AUTS2: variants seen among roughly 807,000 people sequenced by gnomAD.
AUTS2 encodes activator of transcription and developmental regulator AUTS2, also known as autism susceptibility gene 2 protein.
Under a neutral mutation model 112.4 loss-of-function variants are expected in AUTS2, and 17 were observed. That is an observed-to-expected ratio of 0.15 (90% CI 0.10 to 0.23). The LOEUF is 0.23. AUTS2 is among the 10% of genes least tolerant of loss of function. The probability of loss-of-function intolerance (pLI) is 1.00; values close to 1 mark genes in which losing one functional copy is unlikely to be tolerated. For missense variants in AUTS2, 1,510 were observed against 1,701.6 expected, an observed-to-expected ratio of 0.89 and a Z score of 1.98; for synonymous variants, 751 against 702.7, an observed-to-expected ratio of 1.07 and a Z score of -1.09.
At chr7:70,273,684 C>T (rs941376359) in intron 4 of AUTS2, among the ~76,000 whole-genome samples, 3 of 152,046 alleles carry the variant, frequency 2.0e-5, no homozygotes, top group African/African-American at 7.2e-5. Context: ...ACCCCCTCAC[C>T]TTCACCCCCA....
chr7:70,420,029 G>T (rs1352582232), intron 4 of AUTS2, among the ~76,000 whole-genome samples: 1 of 152,210 alleles, frequency 6.6e-6, no homozygotes, highest in Non-Finnish European at 1.5e-5. Context: ...GCAGGGGAGA[G>T]AATTAAAGGT....
chr7:70,101,131 G>A (rs1412906317), intron 2 of AUTS2, among the ~76,000 whole-genome samples: 1 of 152,074 alleles, frequency 6.6e-6, no homozygotes, highest in Non-Finnish European at 1.5e-5. Context: ...GCCAGCCTCG[G>A]CCTCCCAAAG....
At chr7:70,642,534 AACCAGG>A (rs1161792896) in intron 5 of AUTS2, among the ~76,000 whole-genome samples, 1 of 83,574 alleles carries the variant, frequency 1.2e-5, no homozygotes, top group Non-Finnish European at 3.1e-5. Context: ...TTGTGTCCTC[AACCAGG>A]TGTAAAGTCT....
At chr7:70,020,854 A>T (rs532545696) in intron 2 of AUTS2, among the ~76,000 whole-genome samples, 1 of 152,058 alleles carries the variant, frequency 6.6e-6, no homozygotes, top group Non-Finnish European at 1.5e-5. Context: ...TATTTTTGGC[A>T]GAGACAAGGT....
intron 5 of AUTS2, among the ~76,000 whole-genome samples, chr7:70,454,166 G>A (rs759243971): frequency 2.0e-5 from 3 of 152,150 alleles, no homozygotes; most frequent in Non-Finnish European, 4.4e-5. Context: ...CCCCCAGTGT[G>A]TCAGACAAAA....
chr7:70,373,402 C>G (rs911704599), intron 4 of AUTS2, among the ~76,000 whole-genome samples: 1 of 152,076 alleles, frequency 6.6e-6, no homozygotes, highest in African/African-American at 2.4e-5. Flanking sequence ...AAAACCTCTG[C>G]GATGTGAATA....
intron 4 of AUTS2, among the ~76,000 whole-genome samples, chr7:70,355,055 TGTATGTATGG>T (rs1286667740): frequency 1.3e-5 from 2 of 151,022 alleles, no homozygotes; most frequent in African/African-American, 4.9e-5. Flanking sequence ...TGTGTGTGTG[TGTATGTATGG>T]GTGTGTGTGT....
In AUTS2 at chr7:70,456,122, C is replaced by A. The variant is rs77761085; in HGVS notation, c.690+20341C>A. Among the ~76,000 whole-genome samples, 374 of 152,284 alleles carry A rather than the reference C, an allele frequency of 2.5e-3. 1 individual carries two copies. Among genetic ancestry groups the A allele is most frequent in the African/African-American group, 8.4e-3 (348 of 41,574 alleles). ...CACATCATGGTGCTTTAAAAACCCT[C>A]AACTTCCCCCTAACCCAGCACGGAA... On this transcript the variant is annotated intron_variant, in intron 5 of 18. Coordinates refer to ENST00000342771, the MANE Select transcript of AUTS2 (RefSeq NM_015570.4).
At chr7:69,995,476 G>A (rs1342836456) in intron 2 of AUTS2, among the ~76,000 whole-genome samples, 2 of 152,174 alleles carry the variant, frequency 1.3e-5, no homozygotes, top group Admixed American at 6.5e-5. Context: ...CTATGAAGGA[G>A]GACATTTTTC....
chr7:70,639,616 C>CAAAAAAAAAAAAA lies in AUTS2; in HGVS notation c.691-58945_691-58933dup, dbSNP rs5884790. The stretch of plus-strand genomic sequence containing the variant: ...TGGGTGATAGAGCGAGACCCTGTCT[C>CAAAAAAAAAAAAA]AAAAAAAAAAAAAAAAAAAATAGGG... On this transcript the variant is annotated intron_variant, in intron 5 of 18. Coordinates refer to ENST00000342771, the MANE Select transcript of AUTS2 (RefSeq NM_015570.4). Among the ~76,000 whole-genome samples, 2 of 75,078 alleles carry CAAAAAAAAAAAAA rather than the reference C, an allele frequency of 2.7e-5. 1 individual carries two copies. Among genetic ancestry groups the CAAAAAAAAAAAAA allele is most frequent in the African/African-American group, 1.2e-4 (2 of 17,374 alleles). 49.3% of individuals were successfully genotyped at this position (75,078 alleles called of 152,430 possible).
chr7:69,812,616 G>A (rs1173882072), intron 1 of AUTS2, among the ~76,000 whole-genome samples: 1 of 152,132 alleles, frequency 6.6e-6, no homozygotes, highest in Non-Finnish European at 1.5e-5. Context: ...CCGTTGCCAT[G>A]GGCTACAACT....
At position 70,345,150 on chromosome 7, in the gene AUTS2, T is replaced by C. The variant is rs368134904; in HGVS notation, c.661-90602T>C. 1.1e-4 allele frequency among the ~76,000 whole-genome samples: 16 copies of C among 152,320 alleles called. No individual in the cohort carries two copies. The East Asian group carries it at 2.5e-3, about 24-fold the overall frequency. ...GTGTGTGGTATTCTGCAGAAGGCTATTGTAGCATAACTTAGACTTAGCCGG... is the reference window on the plus strand; with the variant it reads ...GTGTGTGGTATTCTGCAGAAGGCTACTGTAGCATAACTTAGACTTAGCCGG... On this transcript the variant is annotated intron_variant, in intron 4 of 18. Coordinates refer to ENST00000342771, the MANE Select transcript of AUTS2 (RefSeq NM_015570.4).
At chr7:69,827,766 A>G (rs1386104899) in intron 1 of AUTS2, among the ~76,000 whole-genome samples, 2 of 152,284 alleles carry the variant, frequency 1.3e-5, no homozygotes, top group African/African-American at 2.4e-5. Flanking sequence ...TATTTACTGT[A>G]CTTGAACGGA....
chr7:70,222,650 T>TTAA (rs1811545926), intron 4 of AUTS2, among the ~76,000 whole-genome samples: 1 of 152,094 alleles, frequency 6.6e-6, no homozygotes, highest in Admixed American at 6.5e-5. Flanking sequence ...TCAAAAGACT[T>TTAA]TAAGTTCTCT....
At chr7:69,693,653 A>C (rs1230535075) in intron 1 of AUTS2, among the ~76,000 whole-genome samples, 2 of 152,088 alleles carry the variant, frequency 1.3e-5, no homozygotes, top group Non-Finnish European at 2.9e-5. Context: ...AGATACTGTG[A>C]TATCATATCT....
chr7:70,787,321 G>A lies in AUTS2; in HGVS notation c.2421G>A (p.Pro807=), dbSNP rs372172046. The part of the protein sequence containing the change: ...HRTPPSFPTP[P]PWLKPGELER... ...CGCCTCCGTCGTTCCCGACCCCTCC[G>A]CCCTGGCTGAAGCCAGGGGAGCTGG... The change falls in exon 18 of 19, where the codon CCG becomes CCA. Residue 807 remains proline, a synonymous_variant. Transcript: ENST00000342771. 1.1e-5 allele frequency: 17 copies of A among 1,613,990 alleles called. No individual in the cohort carries two copies. Among genetic ancestry groups the A allele is most frequent in the South Asian group, 3.3e-5 (3 of 91,078 alleles).
intron 4 of AUTS2, among the ~76,000 whole-genome samples, chr7:70,273,856 T>A (rs1787807916): frequency 6.6e-6 from 1 of 152,140 alleles, no homozygotes; most frequent in Non-Finnish European, 1.5e-5. Context: ...GGTTCAAGGG[T>A]CAACTGTGTA....
chr7:70,461,845 C>G (rs1796977338), intron 5 of AUTS2, among the ~76,000 whole-genome samples: 1 of 152,144 alleles, frequency 6.6e-6, no homozygotes, highest in South Asian at 2.1e-4. Context: ...GTTGTCAGGA[C>G]ATCAGGGGCC....
At position 70,613,779 on chromosome 7, in the gene AUTS2, A is replaced by G. The variant is rs543834537; in HGVS notation, c.691-84790A>G. ...TGCGAGAAGAGAAATTAATCAGAAC[A>G]TGATCCCTGGCTCCTTGGAGTCTTC... On this transcript the variant is annotated intron_variant, in intron 5 of 18. Coordinates refer to ENST00000342771, the MANE Select transcript of AUTS2 (RefSeq NM_015570.4). Among the ~76,000 whole-genome samples the G allele has an allele frequency of 3.3e-5, 5 of 152,324 alleles. No homozygotes were observed. In the East Asian group the frequency reaches 7.7e-4, roughly 24 times the overall value.
Sources: allele counts gnomAD v4.1 joint callset (sites outside exome capture counted in the v4.1 genomes callset), GRCh38; gene constraint gnomAD v4.1.1; transcripts MANE v1.5; gene names NCBI Gene and HGNC (gene_info 2026-07-23, HGNC 2026-07-21).